CNTN5: variants seen among roughly 807,000 people sequenced by gnomAD.
CNTN5 encodes the protein contactin-5.
In CNTN5, 77 loss-of-function variants were observed where a neutral mutation model predicts 129.1. The ratio of observed to expected loss-of-function variants is 0.60; its 90% confidence interval spans 0.50 to 0.72. The LOEUF is 0.72. Ranked by LOEUF, CNTN5 falls within the 30% of genes least tolerant of loss-of-function variation. The pLI is 0.00. For synonymous variants in CNTN5, 509 were observed against 465.6 expected (o/e 1.09, Z -1.20); for missense variants, 1,478 against 1,328.8 (o/e 1.11, Z -1.75).
chr11:99,704,913 G>T (rs1405430129), intron 3 of CNTN5, among the ~76,000 whole-genome samples: 1 of 151,148 alleles, frequency 6.6e-6, no homozygotes, highest in Non-Finnish European at 1.5e-5. Context: ...TATGTTGCCC[G>T]GGAATTCTTC....
intron 3 of CNTN5, among the ~76,000 whole-genome samples, chr11:99,571,134 T>C (rs1168540670): frequency 6.6e-6 from 1 of 152,220 alleles, no homozygotes; most frequent in Non-Finnish European, 1.5e-5. Flanking sequence ...TTCTGCTTTA[T>C]GGAAAACCAA....
intron 6 of CNTN5, among the ~76,000 whole-genome samples, chr11:99,880,591 G>A (rs893603134): frequency 1.3e-5 from 2 of 152,114 alleles, no homozygotes; most frequent in African/African-American, 4.8e-5. Flanking sequence ...TGATGTGCTT[G>A]CTCAATTTTA....
At chr11:100,096,288 G>A (rs1472310273) in intron 13 of CNTN5, among the ~76,000 whole-genome samples, 1 of 151,996 alleles carries the variant, frequency 6.6e-6, no homozygotes, top group Admixed American at 6.6e-5. Context: ...TTTAAGAAGG[G>A]GAGGATAATG....
chr11:100,237,722 TTAAA>T (rs2138670552), intron 16 of CNTN5, among the ~76,000 whole-genome samples: 1 of 152,338 alleles, frequency 6.6e-6, no homozygotes, highest in Non-Finnish European at 1.5e-5. Context: ...TAAAAATCTT[TTAAA>T]TAAATTTCTC....
At chr11:99,433,910 T>C (rs1943498981) in intron 2 of CNTN5, among the ~76,000 whole-genome samples, 1 of 152,186 alleles carries the variant, frequency 6.6e-6, no homozygotes, top group Admixed American at 6.6e-5. Flanking sequence ...AGGCAGGTGG[T>C]GCTTTACTGT....
chr11:99,156,480 C>T (rs535755721), intron 1 of CNTN5, among the ~76,000 whole-genome samples: 2 of 151,926 alleles, frequency 1.3e-5, no homozygotes, highest in Non-Finnish European at 2.9e-5. Context: ...ATAAATAAAG[C>T]CTTTTTAGAA....
At chr11:99,365,691 C>T (rs1939404345) in intron 2 of CNTN5, among the ~76,000 whole-genome samples, 1 of 152,084 alleles carries the variant, frequency 6.6e-6, no homozygotes, top group Non-Finnish European at 1.5e-5. Flanking sequence ...TTCTTAAGAA[C>T]ACAGATTGTT....
intron 13 of CNTN5, among the ~76,000 whole-genome samples, chr11:100,143,411 A>T (rs994248446): frequency 1.3e-5 from 2 of 152,158 alleles, no homozygotes; most frequent in African/African-American, 4.8e-5. Flanking sequence ...AACTCTAGCC[A>T]TTGACAAACA....
chr11:99,808,801 C>T (rs1946346951), intron 3 of CNTN5, among the ~76,000 whole-genome samples: 1 of 152,118 alleles, frequency 6.6e-6, no homozygotes, highest in African/African-American at 2.4e-5. Flanking sequence ...TTACTAGATG[C>T]TCCAACATGA....
intron 1 of CNTN5, among the ~76,000 whole-genome samples, chr11:99,277,132 G>C (rs7925644): frequency 6.6e-6 from 1 of 151,582 alleles, no homozygotes; most frequent in Non-Finnish European, 1.5e-5. Context: ...TATGCTTTGT[G>C]TTGTGCTAGG....
intron 3 of CNTN5, among the ~76,000 whole-genome samples, chr11:99,630,954 T>A (rs1951325770): frequency 6.6e-6 from 1 of 152,162 alleles, no homozygotes; most frequent in African/African-American, 2.4e-5. Flanking sequence ...TCAGCATCAA[T>A]GCATCTATTA....
chr11:99,608,909 A>G (rs1950513928), intron 3 of CNTN5, among the ~76,000 whole-genome samples: 1 of 152,140 alleles, frequency 6.6e-6, no homozygotes. Context: ...GAGTATTAAA[A>G]TCTAGCAATG....
At chr11:100,127,386 T>C (rs1468771367) in intron 13 of CNTN5, among the ~76,000 whole-genome samples, 4 of 152,052 alleles carry the variant, frequency 2.6e-5, no homozygotes, top group Non-Finnish European at 2.9e-5. Context: ...TCCTGCTTCA[T>C]GTTCCCCTGG....
intron 2 of CNTN5, among the ~76,000 whole-genome samples, chr11:99,411,635 C>G (rs1449447979): frequency 6.6e-6 from 1 of 152,114 alleles, no homozygotes; most frequent in Non-Finnish European, 1.5e-5. Context: ...GAACTTCCAC[C>G]CAGGAGACTC....
intron 3 of CNTN5, among the ~76,000 whole-genome samples, chr11:99,750,327 G>A (rs535353239): frequency 3.6e-4 from 54 of 152,076 alleles, no homozygotes; most frequent in African/African-American, 1.2e-3. Flanking sequence ...TTGACAGTTT[G>A]GAAAGAGAAT....
chr11:99,467,698 G>C (rs1591111493), intron 2 of CNTN5, among the ~76,000 whole-genome samples: 1 of 152,084 alleles, frequency 6.6e-6, no homozygotes, highest in East Asian at 1.9e-4. Flanking sequence ...GCAGGCTCTT[G>C]ATCCTTTCAT....
chr11:99,986,233 A>G (rs778516316), intron 8 of CNTN5, among the ~76,000 whole-genome samples: 3 of 151,830 alleles, frequency 2.0e-5, no homozygotes, highest in Admixed American at 1.3e-4. Flanking sequence ...TATCCCATCA[A>G]TCTCTTGATC....
intron 20 of CNTN5, among the ~76,000 whole-genome samples, chr11:100,304,218 G>A (rs1351241501): frequency 6.6e-6 from 1 of 151,578 alleles, no homozygotes; most frequent in Non-Finnish European, 1.5e-5. Flanking sequence ...TTACAGTGAA[G>A]GAGTTAGCCA....
At chr11:99,123,654 G>GTTTT in intron 1 of CNTN5, among the ~76,000 whole-genome samples, 1 of 141,202 alleles carries the variant, frequency 7.1e-6, no homozygotes, top group Non-Finnish European at 1.5e-5. Context: ...ATCTTCCAGG[G>GTTTT]TTTTTTTTTT....
Sources: allele counts gnomAD v4.1 joint callset (sites outside exome capture counted in the v4.1 genomes callset), GRCh38; gene constraint gnomAD v4.1.1; transcripts MANE v1.5; gene names NCBI Gene and HGNC (gene_info 2026-07-23, HGNC 2026-07-21).